The following UBAC2 variants were observed in gnomAD, a reference collection of about 807,000 sequenced individuals.
UBAC2 encodes the protein ubiquitin-associated domain-containing protein 2.
UBAC2 carries 26 observed loss-of-function variants against 44.0 expected under a neutral mutation model. The ratio of observed to expected loss-of-function variants is 0.59; its 90% CI spans 0.43 to 0.82. The LOEUF (loss-of-function observed/expected upper bound fraction) is 0.82. UBAC2 is among the 40% of genes least tolerant of loss of function. The pLI is 0.00. For missense variants in UBAC2, 329 were observed against 419.4 expected (o/e 0.78, Z 1.88); for synonymous variants, 155 against 154.3 (o/e 1.00, Z -0.04).
At chr13:99,241,889 C>T (rs1426292272) in intron 2 of UBAC2, among the ~76,000 whole-genome samples, 5 of 149,082 alleles carry the variant, frequency 3.4e-5, no homozygotes, top group Non-Finnish European at 7.4e-5. Flanking sequence ...CTGCGGCCTT[C>T]CGCAGTGTTT....
At chr13:99,242,636 A>AT (rs2043323567) in intron 2 of UBAC2, among the ~76,000 whole-genome samples, 2 of 59,098 alleles carry the variant, frequency 3.4e-5, no homozygotes, top group Non-Finnish European at 6.3e-5. Context: ...CGGGGGGCTG[A>AT]CCCCCCCACC....
At chr13:99,279,651 T>C (rs938842914) in intron 4 of UBAC2, among the ~76,000 whole-genome samples, 2 of 152,214 alleles carry the variant, frequency 1.3e-5, no homozygotes, top group African/African-American at 4.8e-5. Flanking sequence ...CTAGACTGTG[T>C]GACTTATAAA....
intron 4 of UBAC2, among the ~76,000 whole-genome samples, chr13:99,310,150 G>A (rs1040477680): frequency 6.6e-6 from 1 of 152,174 alleles, no homozygotes; most frequent in African/African-American, 2.4e-5. Flanking sequence ...AACACAGCGA[G>A]ACCCTGTTTC....
At chr13:99,315,250 A>G (rs2044473150) in intron 5 of UBAC2, among the ~76,000 whole-genome samples, 1 of 151,972 alleles carries the variant, frequency 6.6e-6, no homozygotes, top group Non-Finnish European at 1.5e-5. Context: ...CCGTTTCTGC[A>G]TTTGATTCTT....
At chr13:99,383,971 T>C (rs2045585638) in intron 8 of UBAC2, among the ~76,000 whole-genome samples, 1 of 152,180 alleles carries the variant, frequency 6.6e-6, no homozygotes, top group African/African-American at 2.4e-5. Flanking sequence ...ATATCCAGAG[T>C]TAGCCACTAG....
At chr13:99,318,682 G>T (rs1381672294) in intron 6 of UBAC2, among the ~76,000 whole-genome samples, 2 of 151,504 alleles carry the variant, frequency 1.3e-5, no homozygotes, top group South Asian at 4.2e-4. Context: ...TTTGCTGGGC[G>T]TGGTGGCAGG....
intron 7 of UBAC2, among the ~76,000 whole-genome samples, chr13:99,353,348 C>G (rs1032614597): frequency 1.3e-5 from 2 of 152,236 alleles, no homozygotes; most frequent in Non-Finnish European, 2.9e-5. Context: ...GTTGATCATA[C>G]TGATCTTTTT....
At chr13:99,348,074 A>G (rs559812236) in intron 7 of UBAC2, among the ~76,000 whole-genome samples, 1 of 152,122 alleles carries the variant, frequency 6.6e-6, no homozygotes, top group South Asian at 2.1e-4. Context: ...TCATTTTGCT[A>G]CTTGCAGCTG....
intron 4 of UBAC2, among the ~76,000 whole-genome samples, chr13:99,281,730 T>G (rs1371544055): frequency 6.6e-6 from 1 of 152,266 alleles, no homozygotes; most frequent in African/African-American, 2.4e-5. Flanking sequence ...GAACTGAGAT[T>G]GCCAATCATT....
intron 4 of UBAC2, among the ~76,000 whole-genome samples, chr13:99,254,209 A>G (rs1232111582): frequency 1.3e-5 from 2 of 152,228 alleles, no homozygotes; most frequent in African/African-American, 4.8e-5. Flanking sequence ...AGAAACCTCA[A>G]ATGATAGAAA....
At chr13:99,208,581 T>G (rs34925730) in intron 1 of UBAC2, among the ~76,000 whole-genome samples, 1 of 152,060 alleles carries the variant, frequency 6.6e-6, no homozygotes, top group South Asian at 2.1e-4. Flanking sequence ...ATTCAAAGAT[T>G]AGACTTTCCC....
chr13:99,230,328 T>C (rs1349481903), intron 1 of UBAC2, among the ~76,000 whole-genome samples: 2 of 151,868 alleles, frequency 1.3e-5, no homozygotes, highest in Non-Finnish European at 2.9e-5. Context: ...GAGCTGGGCA[T>C]GGTGGCAAGC....
Position 99,316,540 on chromosome 13 carries a change from A to C in UBAC2, c.514-1482A>C, listed in dbSNP as rs373443522. Among the ~76,000 whole-genome samples the C allele has an allele frequency of 1.4e-3, 214 of 152,288 alleles. 2 individuals are homozygous for C. Among genetic ancestry groups the C allele is most frequent in the African/African-American group, 5.0e-3 (208 of 41,566 alleles). On this transcript the variant is annotated intron_variant, in intron 5 of 8. Coordinates refer to ENST00000403766, the MANE Select transcript of UBAC2 (RefSeq NM_001144072.2). ...AACATCATGCCCTGTGCAATGGGCT[A>C]TGACGTTGTGGGCTCTCAAGCCATC...
chr13:99,322,995 G>A (rs2044589363), intron 6 of UBAC2, among the ~76,000 whole-genome samples: 2 of 152,126 alleles, frequency 1.3e-5, no homozygotes, highest in Admixed American at 1.3e-4. Flanking sequence ...AATGGAAACA[G>A]CATAACCTGC....
chr13:99,248,780 G>C (rs1298134216), intron 4 of UBAC2, among the ~76,000 whole-genome samples: 1 of 152,162 alleles, frequency 6.6e-6, no homozygotes, highest in African/African-American at 2.4e-5. Context: ...TCCTGCCTTG[G>C]CCTCCCAAAG....
At chr13:99,268,611 C>CAAAAAAAAAA (rs756827927) in intron 4 of UBAC2, among the ~76,000 whole-genome samples, 23 of 75,610 alleles carry the variant, frequency 3.0e-4, no homozygotes, top group Non-Finnish European at 4.6e-4. Flanking sequence ...GACTCTGTCT[C>CAAAAAAAAAA]AAAAAAAAAA....
intron 6 of UBAC2, among the ~76,000 whole-genome samples, chr13:99,338,059 T>TTTTTTTTTTTTTTTTA (rs1566509585): frequency 1.1e-5 from 1 of 95,156 alleles, no homozygotes; most frequent in Non-Finnish European, 2.3e-5. Context: ...TTTTTTTTTT[T>TTTTTTTTTTTTTTTTA]TTTTTTTTTT....
At chr13:99,326,235 A>T (rs2138795375) in intron 6 of UBAC2, among the ~76,000 whole-genome samples, 1 of 152,238 alleles carries the variant, frequency 6.6e-6, no homozygotes, top group Middle Eastern at 3.4e-3. Flanking sequence ...TAGCCATCCC[A>T]GCAGGTGTGA....
intron 4 of UBAC2, among the ~76,000 whole-genome samples, chr13:99,249,888 A>G (rs976967425): frequency 2.6e-5 from 4 of 152,012 alleles, no homozygotes; most frequent in Admixed American, 6.6e-5. Context: ...GTATCTGTTC[A>G]TGTCTTTTGC....
Sources: allele counts gnomAD v4.1 joint callset (sites outside exome capture counted in the v4.1 genomes callset), GRCh38; gene constraint gnomAD v4.1.1; transcripts MANE v1.5; gene names NCBI Gene and HGNC (gene_info 2026-07-23, HGNC 2026-07-21).